Variants in SYT16 observed in about 807,000 individuals in gnomAD.
The protein encoded by SYT16 is synaptotagmin 16, also known as synaptotagmin-16.
In SYT16, 42 loss-of-function variants were observed where a neutral mutation model predicts 61.4. That is an observed-to-expected ratio of 0.68 (90% CI 0.53 to 0.89). The LOEUF is 0.89. SYT16 is among the 40% of genes least tolerant of loss of function. The pLI is 0.00. For synonymous variants in SYT16, 314 were observed against 302.3 expected (o/e 1.04, Z -0.40); for missense variants, 804 against 807.3 (o/e 1.00, Z 0.05).
At chr14:62,034,857 T>C (rs148688452) in intron 3 of SYT16, among the ~76,000 whole-genome samples, 2 of 152,308 alleles carry the variant, frequency 1.3e-5, no homozygotes, top group East Asian at 3.9e-4. Context: ...TGTTATGTGA[T>C]TATATATCAA....
intron 1 of SYT16, among the ~76,000 whole-genome samples, chr14:61,915,372 A>G (rs758081784): frequency 3.9e-5 from 6 of 152,186 alleles, no homozygotes; most frequent in Non-Finnish European, 7.4e-5. Flanking sequence ...AGATGTATGC[A>G]TACATAACAT....
At chr14:61,931,964 A>ATT (rs2049790545) in intron 1 of SYT16, among the ~76,000 whole-genome samples, 1 of 152,222 alleles carries the variant, frequency 6.6e-6, no homozygotes, top group South Asian at 2.1e-4. Context: ...TTGCAGTACC[A>ATT]CCAACAGTGT....
intron 1 of SYT16, among the ~76,000 whole-genome samples, chr14:61,960,451 C>A (rs1328797550): frequency 6.6e-6 from 1 of 151,984 alleles, no homozygotes; most frequent in Non-Finnish European, 1.5e-5. Flanking sequence ...GTATTTTATT[C>A]TTTTTGTGTC....
At chr14:61,889,036 G>GA (rs1245933874) in intron 1 of SYT16, among the ~76,000 whole-genome samples, 2 of 151,980 alleles carry the variant, frequency 1.3e-5, no homozygotes, top group Non-Finnish European at 1.5e-5. Flanking sequence ...AGCTGTTAAA[G>GA]AAAAAAAAGA....
intron 1 of SYT16, chr14:61,832,245 C>T (rs1415802729): frequency 1.1e-5 from 7 of 611,996 alleles, no homozygotes; most frequent in East Asian, 7.6e-5. Flanking sequence ...GGGATAGTCA[C>T]GTCGATCCAC....
intron 3 of SYT16, among the ~76,000 whole-genome samples, chr14:62,063,336 T>A (rs2055911814): frequency 6.6e-6 from 1 of 152,220 alleles, no homozygotes; most frequent in African/African-American, 2.4e-5. Context: ...TGATGGGGGA[T>A]GCTGATGAAG....
chr14:62,084,682 T>A (rs1374979878), intron 7 of SYT16, among the ~76,000 whole-genome samples: 1 of 152,180 alleles, frequency 6.6e-6, no homozygotes, highest in East Asian at 1.9e-4. Flanking sequence ...TAAAATCTGC[T>A]AATACGTCCT....
chr14:62,073,489 T>A (rs2056374251), intron 4 of SYT16, among the ~76,000 whole-genome samples: 1 of 152,204 alleles, frequency 6.6e-6, no homozygotes, highest in African/African-American at 2.4e-5. Flanking sequence ...GTGGCCTGTT[T>A]TTAGGATGTT....
intron 1 of SYT16, among the ~76,000 whole-genome samples, chr14:61,905,976 T>G (rs1265140219): frequency 6.6e-6 from 1 of 152,026 alleles, no homozygotes; most frequent in Admixed American, 6.6e-5. Flanking sequence ...AGGATGGTCT[T>G]GAGCTCTTGA....
intron 1 of SYT16, among the ~76,000 whole-genome samples, chr14:61,932,403 A>C (rs1196172960): frequency 6.6e-6 from 1 of 152,228 alleles, no homozygotes; most frequent in Non-Finnish European, 1.5e-5. Context: ...ACAGTTCCAC[A>C]TGGCTGGGGA....
intron 2 of SYT16, among the ~76,000 whole-genome samples, chr14:61,994,665 C>T (rs532617523): frequency 3.3e-5 from 5 of 152,212 alleles, no homozygotes; most frequent in East Asian, 1.9e-4. Flanking sequence ...CCTGAAAGAG[C>T]GACACATGAA....
intron 1 of SYT16, among the ~76,000 whole-genome samples, chr14:61,958,875 C>G (rs2050994111): frequency 6.6e-6 from 1 of 151,894 alleles, no homozygotes. Flanking sequence ...TATTGCATTG[C>G]TACCTATTTT....
rs2057407450 is a variant in SYT16 at position 62,101,075 on chromosome 14, C to T, written c.*368C>T. The stretch of plus-strand genomic sequence containing the variant: ...ATTGCAAGGGAGCTGTTAATTGTTA[C>T]TATTTGCAACCATTTAGGTGGATGA... On this transcript the variant is annotated 3_prime_UTR_variant, in exon 8 of 8. Coordinates refer to ENST00000683842, the MANE Select transcript of SYT16 (RefSeq NM_001367656.1). 5.8e-6 allele frequency: 1 copy of T among 171,312 alleles called. No homozygotes were observed. The highest frequency in any genetic ancestry group is 5.8e-5 in the Admixed American group (1 of 17,104). 10.6% of individuals were successfully genotyped at this position (171,312 alleles called of 1,614,324 possible).
At chr14:61,867,623 A>G (rs2047200659) in intron 1 of SYT16, among the ~76,000 whole-genome samples, 1 of 152,138 alleles carries the variant, frequency 6.6e-6, no homozygotes, top group Non-Finnish European at 1.5e-5. Context: ...ATTATTTACA[A>G]TGAAAATACA....
chr14:61,907,180 G>A (rs1192541802), intron 1 of SYT16, among the ~76,000 whole-genome samples: 2 of 152,176 alleles, frequency 1.3e-5, no homozygotes, highest in South Asian at 2.1e-4. Context: ...TTGAGTTCAA[G>A]TGCATCATGA....
chr14:61,920,733 A>G (rs918368539), intron 1 of SYT16, among the ~76,000 whole-genome samples: 3 of 152,204 alleles, frequency 2.0e-5, no homozygotes, highest in Admixed American at 2.0e-4. Context: ...AGCCATACAA[A>G]TAGTTGACTT....
Position 61,938,662 on chromosome 14 carries a change from T to G in SYT16, c.-324-31470T>G, listed in dbSNP as rs116907492. Among the ~76,000 whole-genome samples the G allele has an allele frequency of 6.9e-3, 1,057 of 152,266 alleles. 1 individual carries two copies. The highest frequency in any genetic ancestry group is 0.011 in the Non-Finnish European group (716 of 68,018). On this transcript the variant is annotated intron_variant, in intron 1 of 7. Transcript: ENST00000683842. ...TCCTTAAGAGACAAGCAAAGGAATTTGGGCTTTATATTGTAGCTAATGAGA... is the reference window on the plus strand; with the variant it reads ...TCCTTAAGAGACAAGCAAAGGAATTGGGGCTTTATATTGTAGCTAATGAGA...
At chr14:62,033,632 G>C (rs1418048358) in intron 3 of SYT16, among the ~76,000 whole-genome samples, 1 of 152,036 alleles carries the variant, frequency 6.6e-6, no homozygotes, top group African/African-American at 2.4e-5. Flanking sequence ...AAAGACATGA[G>C]AGCTGCTGTA....
intron 1 of SYT16, among the ~76,000 whole-genome samples, chr14:61,819,806 C>T (rs12883629): frequency 5.6e-4 from 86 of 152,304 alleles, no homozygotes; most frequent in Admixed American, 9.1e-4. Flanking sequence ...CTGGTCCTGC[C>T]ACTCAAAGGC....
Sources: gnomAD v4.1 joint callset for allele counts (sites outside exome capture counted in the v4.1 genomes callset) on GRCh38, gnomAD v4.1.1 for gene constraint, MANE v1.5 for transcripts, NCBI Gene and HGNC (gene_info 2026-07-23, HGNC 2026-07-21) for gene names.